The following MUC5B variants were observed in gnomAD, a reference collection of about 807,000 sequenced individuals.
The protein encoded by MUC5B is mucin 5B, oligomeric mucus/gel-forming.
In MUC5B, 116 loss-of-function variants were observed where a neutral mutation model predicts 376.9. The ratio of observed to expected loss-of-function variants is 0.31; its 90% CI spans 0.26 to 0.36. The LOEUF is 0.36. Among genes scored for constraint, MUC5B ranks in the 10% least tolerant of loss-of-function variants. The pLI is 1.00. For synonymous variants in MUC5B, 3,517 were observed against 3,390.9 expected, an observed-to-expected ratio of 1.04 and a Z score of -1.29; for missense variants, 7,165 against 7,769.9, an observed-to-expected ratio of 0.92 and a Z score of 2.93.
chr11:1,230,363 AC>A, intron 11 of MUC5B, 126 bp from the exon 12 acceptor site: 1 of 1,109,714 alleles, frequency 9.0e-7, no homozygotes, highest in Non-Finnish European at 1.3e-6. Flanking sequence ...CTGGGAGGTG[AC>A]CAGAGGTGCC....
Position 1,247,067 on chromosome 11 carries a change from C to T in MUC5B, c.10187C>T (p.Thr3396Met), listed in dbSNP as rs202040871. ...CCATCACTGACCACCACGGCCACTA[C>T]GATCACAGCCACCGGCTCCACCACC... is the stretch of plus-strand genomic sequence containing the variant. ...TPPSLTTTAT[T>M]ITATGSTTNP... The change falls in exon 31 of 49, where the codon ACG becomes ATG. Residue 3396 changes from threonine to methionine, a missense_variant. Coordinates refer to ENST00000529681, the MANE Select transcript of MUC5B (RefSeq NM_002458.3). 6.9e-4 allele frequency: 1,080 copies of T among 1,560,948 alleles called. 7 individuals are homozygous for T. Among genetic ancestry groups the T allele is most frequent in the Middle Eastern group, 2.5e-3 (15 of 5,972 alleles).
rs377280685 is a variant in MUC5B, at chr11:1,242,401, G to C, written c.5521G>C (p.Asp1841His). The C allele has an allele frequency of 2.5e-6, 4 of 1,613,814 alleles. No homozygotes were observed. The South Asian group carries it at 3.3e-5, about 13-fold the overall frequency. ...RAENYPEVSI[D>H]QVGQVLTCSL... ...GGAGAACTACCCCGAGGTAAGCATCGACCAGGTCGGGCAGGTGCTGACCTG... is the reference window on the plus strand; with the variant it reads ...GGAGAACTACCCCGAGGTAAGCATCCACCAGGTCGGGCAGGTGCTGACCTG... The change falls in exon 31 of 49, where the codon GAC becomes CAC. Residue 1841 changes from aspartate to histidine, a missense_variant. Physicochemically the swap from Asp to His is moderately conservative, Grantham distance 81. Transcript: ENST00000529681.
rs370691826 is a variant in MUC5B at position 1,241,305 on chromosome 11, G to C, written c.4425G>C (p.Arg1475=). The C allele has an allele frequency of 1.2e-6, 2 of 1,603,978 alleles. No individual in the cohort carries two copies. The highest frequency in any genetic ancestry group is 2.7e-5 in the African/African-American group (2 of 74,640). ...CCCTATGGGTGACCCCGAGCATCCG[G>C]TCGACGGCGGCCCTCACCTCGCAGA... ...KTTLWVTPSI[R]STAALTSQTG... The change falls in exon 31 of 49, where the codon CGG becomes CGC. Residue 1475 remains arginine, a synonymous_variant. Transcript: ENST00000529681.
At chr11:1,228,125 G>A (rs1003848806) in intron 7 of MUC5B, among the ~76,000 whole-genome samples, 1 of 152,192 alleles carries the variant, frequency 6.6e-6, no homozygotes, top group African/African-American at 2.4e-5. Context: ...CAAACCAGCA[G>A]GATCTCTGAG....
In MUC5B at chr11:1,259,599, G is replaced by A. The variant is rs572941575; in HGVS notation, c.16714-157G>A. ...CTGGAAACTGGGGTGAGGCTGAGCC[G>A]GGATAACTGAGTGGGGGCAACTTCT... On this transcript the variant is annotated intron_variant, in intron 44 of 48. Coordinates refer to ENST00000529681, the MANE Select transcript of MUC5B (RefSeq NM_002458.3). The A allele has an allele frequency of 1.7e-4, 115 of 677,132 alleles. No homozygotes were observed. In the East Asian group the frequency reaches 2.2e-3, roughly 13 times the overall value. 41.9% of individuals were successfully genotyped at this position (677,132 alleles called of 1,614,324 possible).
In MUC5B at chr11:1,239,002, G is replaced by T; in HGVS notation, c.3429G>T (p.Val1143=). 1 of 1,573,046 alleles carries T rather than the reference G, an allele frequency of 6.4e-7. No homozygotes were observed. The highest frequency in any genetic ancestry group is 1.2e-5 in the South Asian group (1 of 85,834). Residue 1143 remains valine, a synonymous_variant, in exon 26 of 49, where the codon GTG becomes GTT. Transcript: ENST00000529681. ...AQACHDAGLC[V]SWRTPDTCPL... is the part of the protein sequence containing the mutation. ...CCTGCCACGACGCGGGCCTGTGTGT[G>T]TCCTGGCGGACTCCGGACACCTGCC...
In MUC5B at chr11:1,242,070, A is replaced by G. The variant is rs1862299739; in HGVS notation, c.5190A>G (p.Thr1730=). The G allele has an allele frequency of 6.2e-7, 1 of 1,607,004 alleles. No individual in the cohort carries two copies. The highest frequency in any genetic ancestry group is 1.3e-5 in the African/African-American group (1 of 74,688). The change falls in exon 31 of 49, where the codon ACA becomes ACG. Residue 1730 remains threonine, a synonymous_variant. Coordinates refer to ENST00000529681, the MANE Select transcript of MUC5B (RefSeq NM_002458.3). ...TGGCAACCTCCAGAGCTCGCCCGAC[A>G]GGCACAGCCAGCACCGCTTCCAAAG... is the stretch of plus-strand genomic sequence containing the variant. ...TTMATSRARP[T]GTASTASKEP...
In MUC5B at chr11:1,253,254, G is replaced by T. The variant is rs146813616; in HGVS notation, c.15217+274G>T. Among the ~76,000 whole-genome samples, 252 of 152,260 alleles carry T rather than the reference G, an allele frequency of 1.7e-3. 2 individuals carry two copies. Among genetic ancestry groups the T allele is most frequent in the African/African-American group, 5.3e-3 (222 of 41,556 alleles). ...TGCACGTCGTGAGAGCTGTTAGTAT[G>T]CAGGCTCCGTGTCCACAGGGCTGAA... On this transcript the variant is annotated intron_variant, in intron 33 of 48. Coordinates refer to ENST00000529681, the MANE Select transcript of MUC5B (RefSeq NM_002458.3). This position sits in a 1 kb window ranked among gnomAD's most constrained non-coding sequence, Gnocchi z 4.3.
Position 1,261,851 on chromosome 11 carries a change from G to T in MUC5B, c.*243G>T. 3 of 691,438 alleles carry T rather than the reference G, an allele frequency of 4.3e-6. No homozygotes were observed. The highest frequency in any genetic ancestry group is 7.9e-6 in the Non-Finnish European group (3 of 378,374). The allele number at this position is 691,438 out of a possible 1,614,324, so 42.8% of individuals were successfully genotyped here. On this transcript the variant is annotated 3_prime_UTR_variant, in exon 49 of 49. Coordinates refer to ENST00000529681, the MANE Select transcript of MUC5B (RefSeq NM_002458.3). Reference sequence around the variant, plus strand: ...CCTGGGAGAGCCTGTGGCCCACCTTGGCCTTGCCCCTCCCTGATGTCACTG... The same window carrying T: ...CCTGGGAGAGCCTGTGGCCCACCTTTGCCTTGCCCCTCCCTGATGTCACTG...
Position 1,246,750 on chromosome 11 carries a change from C to T in MUC5B, c.9870C>T (p.Thr3290=), listed in dbSNP as rs753562718. The T allele has an allele frequency of 2.7e-5, 44 of 1,609,496 alleles. 2 individuals carry two copies. The Middle Eastern group carries it at 5.0e-4, about 18-fold the overall frequency. ...CCACGACCACCACAACCAGGGCCAC[C>T]GGCTCTGTGGCCACCCCCTCCTCCA... ...LTTTTTTTRA[T]GSVATPSSTP... The change falls in exon 31 of 49, where the codon ACC becomes ACT. Residue 3290 remains threonine, a synonymous_variant. Transcript: ENST00000529681.
In MUC5B at chr11:1,256,518, C is replaced by T. The variant is rs1400965872; in HGVS notation, c.16137-153C>T. On this transcript the variant is annotated intron_variant, in intron 38 of 48. Transcript: ENST00000529681. Reference sequence around the variant, plus strand: ...CGCCCACCCCCACCCCAGCCCCACCCGTCCCCGCCCCCAGCCCCGCCCACC... The same window carrying T: ...CGCCCACCCCCACCCCAGCCCCACCTGTCCCCGCCCCCAGCCCCGCCCACC... 8.9e-5 allele frequency: 38 copies of T among 427,790 alleles called. 1 individual carries two copies. The Admixed American group carries it at 1.5e-3, about 16-fold the overall frequency. 26.5% of individuals were successfully genotyped at this position (427,790 alleles called of 1,614,324 possible).
At chr11:1,238,776 A>T in intron 25 of MUC5B, 95 bp from the exon 26 acceptor site, 1 of 1,365,964 alleles carries the variant, frequency 7.3e-7, no homozygotes, top group Non-Finnish European at 1.0e-6. Flanking sequence ...GGGGTGTTGA[A>T]ATACAGATGG....
In MUC5B at chr11:1,232,496, T is replaced by A; in HGVS notation, c.1890T>A (p.Ser630Arg). The change falls in exon 16 of 49, where the codon AGT (serine) becomes AGA (arginine). Residue 630 changes from serine to arginine, a missense_variant. Ser to Arg is a moderately radical substitution (Grantham distance 110, BLOSUM62 -1). This residue lies in a region of MUC5B where 530 missense variants were observed against 604.0 expected (regional missense o/e 0.88). Transcript: ENST00000529681. Reference protein sequence around the residue: ...HWCSRLTDPNSAFSRCHSIIN... With the variant: ...HWCSRLTDPNRAFSRCHSIIN... ...GCTCGCGCCTGACCGATCCCAACAGTGCCTTCTCGCGCTGCCACTCCATCA... is the reference window on the plus strand; with the variant it reads ...GCTCGCGCCTGACCGATCCCAACAGAGCCTTCTCGCGCTGCCACTCCATCA... 4 of 1,610,936 alleles carry A rather than the reference T, an allele frequency of 2.5e-6. No individual in the cohort carries two copies. The highest frequency in any genetic ancestry group is 3.4e-6 in the Non-Finnish European group (4 of 1,179,226).
At chr11:1,260,497 G>A (rs1327705213) in intron 47 of MUC5B, 104 bp downstream of exon 47, 37 of 1,492,826 alleles carry the variant, frequency 2.5e-5, no homozygotes, top group Admixed American at 2.3e-4. Context: ...GGATGCCCGC[G>A]TCCAGACTCC....
In MUC5B at chr11:1,235,147, A is replaced by T. The variant is rs374153669; in HGVS notation, c.2693A>T (p.Tyr898Phe). ...HRLCLGTCVA[Y>F]GDGHFITFDG... ...CTCTGCCTGGGCACCTGCGTGGCCT[A>T]CGGGGATGGCCACTTCATCACCTTT... The change falls in exon 22 of 49, where the codon TAC becomes TTC. Residue 898 changes from tyrosine to phenylalanine, a missense_variant. Transcript: ENST00000529681. The T allele has an allele frequency of 6.2e-7, 1 of 1,612,810 alleles. No homozygotes were observed. Among genetic ancestry groups the T allele is most frequent in the Non-Finnish European group, 8.5e-7 (1 of 1,179,694 alleles).
At position 1,236,577 on chromosome 11, in the gene MUC5B, T is replaced by C. The variant is rs1348747140; in HGVS notation, c.3057+15T>C. On this transcript the variant is annotated intron_variant, in intron 24 of 48. Transcript: ENST00000529681. ...AGGACTACAAGGTGAGCTCGGGCCG[T>C]GCACTCCTAGGCCCTGCAGGACCCT... 3 of 1,610,630 alleles carry C rather than the reference T, an allele frequency of 1.9e-6. No individual in the cohort carries two copies. In the Admixed American group the frequency reaches 5.0e-5, roughly 27 times the overall value.
At chr11:1,261,348 G>GGGCC in intron 48 of MUC5B, 41 bp from the exon 49 acceptor site, 3 of 1,514,346 alleles carry the variant, frequency 2.0e-6, no homozygotes, top group Non-Finnish European at 2.7e-6. Flanking sequence ...AGAAACGGCG[G>GGGCC]GGCCAAGGTG....
In MUC5B at chr11:1,238,922, G is replaced by A. The variant is rs1432340823; in HGVS notation, c.3349G>A (p.Asp1117Asn). 7 of 1,571,970 alleles carry A rather than the reference G, an allele frequency of 4.5e-6. 1 individual carries two copies. Among genetic ancestry groups the A allele is most frequent in the Middle Eastern group, 3.3e-4 (2 of 6,016 alleles). ...EACVNDACACDSGGDCECFCT... is the reference protein window; with the variant it reads ...EACVNDACACNSGGDCECFCT... The stretch of plus-strand genomic sequence containing the variant: ...CTGCGTGAACGACGCGTGTGCCTGC[G>A]ACTCGGGTGGCGACTGCGAGTGTTT... The change falls in exon 26 of 49, where the codon GAC (aspartate) becomes AAC (asparagine). Residue 1117 changes from aspartate (D) to asparagine (N), a missense_variant. Physicochemically the swap from Asp to Asn is conservative, Grantham distance 23. Transcript: ENST00000529681.
intron 1 of MUC5B, among the ~76,000 whole-genome samples, chr11:1,224,521 C>T: frequency 1.0e-5 from 1 of 100,152 alleles, no homozygotes; most frequent in Non-Finnish European, 2.0e-5. Context: ...AGGGGAGGAG[C>T]TGCCTGGGGC....
Sources: allele counts gnomAD v4.1 joint callset (sites outside exome capture counted in the v4.1 genomes callset), GRCh38; gene constraint gnomAD v4.1.1; regional missense constraint gnomAD v4.1.1; non-coding constraint Gnocchi (gnomAD v3.1); transcripts MANE v1.5; gene names NCBI Gene and HGNC (gene_info 2026-07-23, HGNC 2026-07-21).